The following SHC3 variants were observed in gnomAD, a reference collection of about 807,000 sequenced individuals.
SHC3 encodes SHC adaptor protein 3, also known as SHC-transforming protein 3.
Under a neutral mutation model 60.4 loss-of-function variants are expected in SHC3, and 15 were observed. The observed-to-expected ratio is 0.25, with a 90% CI of 0.17 to 0.38. The LOEUF (loss-of-function observed/expected upper bound fraction) is 0.38. Among genes scored for constraint, SHC3 ranks in the 10% least tolerant of loss-of-function variants. The probability of loss-of-function intolerance (pLI) is 1.00; values close to 1 mark genes in which losing one functional copy is unlikely to be tolerated. For synonymous variants in SHC3, 294 were observed against 325.9 expected, an observed-to-expected ratio of 0.90 and a Z score of 1.05; for missense variants, 677 against 786.1, an observed-to-expected ratio of 0.86 and a Z score of 1.66.
In SHC3 at chr9:89,070,061, G is replaced by A. The variant is rs531032047; in HGVS notation, c.783+1138C>T. Reference sequence around the variant, plus strand: ...AACCTTTATGTAACATCTGAAGATTGCCTACTCATAATTTGGCTAAAGAAT... The same window carrying A: ...AACCTTTATGTAACATCTGAAGATTACCTACTCATAATTTGGCTAAAGAAT... On this transcript the variant is annotated intron_variant, in intron 5 of 11. Transcript: ENST00000375835. Among the ~76,000 whole-genome samples the A allele has an allele frequency of 5.3e-5, 8 of 152,272 alleles. 1 individual carries two copies. In the South Asian group the frequency reaches 1.7e-3, roughly 32 times the overall value.
In SHC3 at chr9:89,006,568, T is replaced by C. The variant is rs1431781487; in HGVS notation, c.*6879A>G. The C allele has an allele frequency of 6.6e-6, 1 of 152,246 alleles. No individual in the cohort carries two copies. The highest frequency in any genetic ancestry group is 1.5e-5 in the Non-Finnish European group (1 of 68,044). The allele number at this position is 152,246 out of a possible 1,614,324, so 9.4% of individuals were successfully genotyped here. A position where few individuals can be genotyped will look rare whatever the true frequency, so the allele number is the denominator to read the frequency against. The stretch of plus-strand genomic sequence containing the variant: ...AAAAGTTAATGGAAACAAAACAACT[T>C]TCAGATAATATTCATTTGTCAGTAT... On this transcript the variant is annotated 3_prime_UTR_variant, in exon 12 of 12. Transcript: ENST00000375835.
At chr9:89,091,843 A>G (rs1825626148) in intron 2 of SHC3, among the ~76,000 whole-genome samples, 1 of 152,190 alleles carries the variant, frequency 6.6e-6, no homozygotes, top group Non-Finnish European at 1.5e-5. Context: ...TCTAATAAAC[A>G]TTTTTTAAAT....
intron 2 of SHC3, chr9:89,109,533 C>G (rs890541742): frequency 1.0e-6 from 1 of 985,338 alleles, no homozygotes; most frequent in Non-Finnish European, 1.2e-6. Context: ...CCAGAAGTGA[C>G]CTGAGAGCTG....
At chr9:89,112,510 T>C in intron 2 of SHC3, 46 bp downstream of exon 2, 1 of 1,589,400 alleles carries the variant, frequency 6.3e-7, no homozygotes, top group Non-Finnish European at 8.6e-7. Flanking sequence ...CTGAGATCCT[T>C]CCTTCAGAAG....
At position 89,112,489 on chromosome 9, in the gene SHC3, G is replaced by A. The variant is rs1825963414; in HGVS notation, c.545+67C>T. 2.6e-6 allele frequency: 4 copies of A among 1,544,354 alleles called. No homozygotes were observed. In the South Asian group the frequency reaches 4.7e-5, roughly 18 times the overall value. On this transcript the variant is annotated intron_variant, in intron 2 of 11. Coordinates refer to ENST00000375835, the MANE Select transcript of SHC3 (RefSeq NM_016848.6). Reference sequence around the variant, plus strand: ...GGTCTTTTCTTCTAAAAATGTGTCAGCTGTTAATCTCTGAGATCCTTCCTT... The same window carrying A: ...GGTCTTTTCTTCTAAAAATGTGTCAACTGTTAATCTCTGAGATCCTTCCTT...
In SHC3 at chr9:89,075,112, T is replaced by C; in HGVS notation, c.726A>G (p.Lys242=). The stretch of plus-strand genomic sequence containing the variant: ...GGGGATCTGAGCACCCATGTACCTG[T>C]TTGGAGTCCGGAGTTCGCAGGTTCA... ...ASLNLRTPDS[K]QIIANHHMRS... Residue 242 remains lysine, a synonymous_variant, in exon 4 of 12, where the codon AAA becomes AAG. Transcript: ENST00000375835. 1 of 1,613,814 alleles carries C rather than the reference T, an allele frequency of 6.2e-7. No homozygotes were observed. The highest frequency in any genetic ancestry group is 8.5e-7 in the Non-Finnish European group (1 of 1,179,830).
intron 1 of SHC3, among the ~76,000 whole-genome samples, chr9:89,121,388 T>A (rs1564159678): frequency 6.6e-6 from 1 of 152,148 alleles, no homozygotes; most frequent in Non-Finnish European, 1.5e-5. Flanking sequence ...CCTCCCGGGT[T>A]CAAGCGATTC....
intron 1 of SHC3, among the ~76,000 whole-genome samples, chr9:89,155,801 A>G (rs1195911647): frequency 1.3e-5 from 2 of 152,112 alleles, no homozygotes; most frequent in East Asian, 3.9e-4. Context: ...TTGGCACCTG[A>G]GGGTTCATCT....
chr9:89,114,543 T>C (rs1368393400), intron 1 of SHC3, among the ~76,000 whole-genome samples: 1 of 152,112 alleles, frequency 6.6e-6, no homozygotes, highest in Non-Finnish European at 1.5e-5. Context: ...ATTCAAAGTA[T>C]AAAGGAGGCT....
At chr9:89,138,652 C>A (rs1468087718) in intron 1 of SHC3, among the ~76,000 whole-genome samples, 2 of 152,164 alleles carry the variant, frequency 1.3e-5, no homozygotes, top group Non-Finnish European at 2.9e-5. Context: ...AGGTTTCAGC[C>A]TCATTTTATC....
chr9:89,134,324 AAATT>A (rs1226304196), intron 1 of SHC3, among the ~76,000 whole-genome samples: 1 of 152,118 alleles, frequency 6.6e-6, no homozygotes, highest in African/African-American at 2.4e-5. Context: ...GTTTATTAAA[AAATT>A]AATTGTTAAA....
chr9:89,177,521 G>C (rs529276641), intron 1 of SHC3, among the ~76,000 whole-genome samples: 18 of 152,342 alleles, frequency 1.2e-4, no homozygotes, highest in Admixed American at 9.1e-4. Flanking sequence ...TCTTGCTGCG[G>C]GGGGCAACAA....
At chr9:89,133,354 G>C (rs971705842) in intron 1 of SHC3, among the ~76,000 whole-genome samples, 1 of 152,168 alleles carries the variant, frequency 6.6e-6, no homozygotes, top group Non-Finnish European at 1.5e-5. Flanking sequence ...ACACTGTGGC[G>C]ATTCCTCAAG....
intron 1 of SHC3, among the ~76,000 whole-genome samples, chr9:89,157,027 A>C (rs1826632983): frequency 6.6e-6 from 1 of 152,112 alleles, no homozygotes; most frequent in South Asian, 2.1e-4. Context: ...CCTTACGTTT[A>C]AGCCATCTGG....
chr9:89,134,000 G>A (rs895090232), intron 1 of SHC3, among the ~76,000 whole-genome samples: 2 of 152,120 alleles, frequency 1.3e-5, no homozygotes, highest in Non-Finnish European at 2.9e-5. Context: ...TAGCCATGCT[G>A]GAAAGAGTCA....
At position 89,019,699 on chromosome 9, in the gene SHC3, C is replaced by T. The variant is rs544288363; in HGVS notation, c.1657-6124G>A. 1.5e-4 allele frequency among the ~76,000 whole-genome samples: 23 copies of T among 152,152 alleles called. No homozygotes were observed. In the South Asian group the frequency reaches 4.8e-3, roughly 32 times the overall value. On this transcript the variant is annotated intron_variant, in intron 11 of 11. Transcript: ENST00000375835. Reference sequence around the variant, plus strand: ...AAATAGGTATAAATCTAACAAAATACCTATGAGATCTACATGAGGAAAACT... The same window carrying T: ...AAATAGGTATAAATCTAACAAAATATCTATGAGATCTACATGAGGAAAACT...
At chr9:89,092,685 G>C (rs1049741088) in intron 2 of SHC3, among the ~76,000 whole-genome samples, 2 of 150,706 alleles carry the variant, frequency 1.3e-5, no homozygotes, top group Non-Finnish European at 2.9e-5. Context: ...GGAAAAAGTA[G>C]ATTGTGGAAT....
intron 1 of SHC3, among the ~76,000 whole-genome samples, chr9:89,170,689 G>A (rs1826856800): frequency 6.6e-6 from 1 of 151,870 alleles, no homozygotes; most frequent in African/African-American, 2.4e-5. Flanking sequence ...GAATACAGTT[G>A]GCCCTCCAAA....
chr9:89,058,893 C>T (rs1825006482), intron 6 of SHC3, among the ~76,000 whole-genome samples: 1 of 122,032 alleles, frequency 8.2e-6, no homozygotes, highest in African/African-American at 3.2e-5. Context: ...TGGTGGAGGA[C>T]AGTAGTGAAG....
Sources: gnomAD v4.1 joint callset for allele counts (sites outside exome capture counted in the v4.1 genomes callset) on GRCh38, gnomAD v4.1.1 for gene constraint, MANE v1.5 for transcripts, NCBI Gene and HGNC (gene_info 2026-07-23, HGNC 2026-07-21) for gene names.